Variants in FARP1 observed in about 807,000 individuals in gnomAD.
FARP1 encodes the protein FERM, ARH/RhoGEF and pleckstrin domain protein 1.
Under a neutral mutation model 128.8 loss-of-function variants are expected in FARP1, and 52 were observed. The ratio of observed to expected loss-of-function variants is 0.40; its 90% confidence interval spans 0.32 to 0.51. The LOEUF (loss-of-function observed/expected upper bound fraction) is 0.51. Ranked by LOEUF, FARP1 falls within the 20% of genes least tolerant of loss-of-function variation. FARP1 has a pLI of 0.45. For missense variants in FARP1, 1,333 were observed against 1,367.9 expected (o/e 0.97, Z 0.40); for synonymous variants, 580 against 551.8 (o/e 1.05, Z -0.72).
chr13:98,437,634 G>A, intron 19 of FARP1: 1 of 592,766 alleles, frequency 1.7e-6, no homozygotes, highest in Admixed American at 2.8e-5. Flanking sequence ...TATCAGCCAA[G>A]GCTCTGGTGA....
intron 3 of FARP1, among the ~76,000 whole-genome samples, chr13:98,361,386 T>C (rs1439340251): frequency 1.3e-5 from 2 of 152,188 alleles, no homozygotes; most frequent in Non-Finnish European, 2.9e-5. Flanking sequence ...GGTGCTTGTG[T>C]TTGATGCTTT....
chr13:98,308,027 CTCTCTCTTTTTTTTTTTT>C (rs1886252756), intron 2 of FARP1, among the ~76,000 whole-genome samples: 1 of 23,378 alleles, frequency 4.3e-5, no homozygotes. Flanking sequence ...CGCCCCCACT[CTCTCTCTTTTTTTTTTTT>C]TTTTTTTTTT....
chr13:98,163,970 A>G (rs1877065260), intron 1 of FARP1, among the ~76,000 whole-genome samples: 1 of 152,164 alleles, frequency 6.6e-6, no homozygotes, highest in South Asian at 2.1e-4. Flanking sequence ...CAGCCTCCCA[A>G]AGTGCTGGGA....
chr13:98,188,005 T>A (rs774485733), intron 1 of FARP1, among the ~76,000 whole-genome samples: 15 of 152,218 alleles, frequency 9.9e-5, no homozygotes, highest in Non-Finnish European at 2.1e-4. Flanking sequence ...TCACATTTGC[T>A]ATTTTAAGCT....
At chr13:98,443,798 C>T (rs1450674540) in intron 24 of FARP1, among the ~76,000 whole-genome samples, 25 of 10,396 alleles carry the variant, frequency 2.4e-3, no homozygotes, top group African/African-American at 3.9e-3. Context: ...AGTGGCGAGA[C>T]GGGACAGCAG....
chr13:98,426,524 G>A (rs1474611430), intron 17 of FARP1, among the ~76,000 whole-genome samples: 1 of 152,094 alleles, frequency 6.6e-6, no homozygotes, highest in Non-Finnish European at 1.5e-5. Flanking sequence ...GATGAATCTC[G>A]TGAGGGAGAG....
At chr13:98,332,107 T>C (rs1327008189) in intron 2 of FARP1, among the ~76,000 whole-genome samples, 1 of 152,162 alleles carries the variant, frequency 6.6e-6, no homozygotes, top group African/African-American at 2.4e-5. Context: ...ATTTTAACCA[T>C]TCTAAGTGTA....
chr13:98,180,287 G>A (rs1280324342), intron 1 of FARP1, among the ~76,000 whole-genome samples: 1 of 152,012 alleles, frequency 6.6e-6, no homozygotes, highest in Non-Finnish European at 1.5e-5. Context: ...TGAGAGTGGG[G>A]AGGGGCCACG....
chr13:98,311,197 T>G (rs1886443707), intron 2 of FARP1, among the ~76,000 whole-genome samples: 1 of 152,262 alleles, frequency 6.6e-6, no homozygotes, highest in South Asian at 2.1e-4. Context: ...TTTTCATGTT[T>G]ACTGCAAACC....
chr13:98,198,560 C>T (rs1376668150), intron 1 of FARP1, among the ~76,000 whole-genome samples: 1 of 152,008 alleles, frequency 6.6e-6, no homozygotes, highest in Admixed American at 6.6e-5. Context: ...AGCAAGACCC[C>T]TCCCTCTCTA....
intron 8 of FARP1, among the ~76,000 whole-genome samples, chr13:98,386,149 TTTC>T: frequency 6.6e-6 from 1 of 152,104 alleles, no homozygotes; most frequent in Non-Finnish European, 1.5e-5. Flanking sequence ...TAAACACCTT[TTTC>T]ACACTTACAG....
rs573974226 is a variant in FARP1 at position 98,451,103 on chromosome 13, C to T, written c.*2786C>T. 6.6e-6 allele frequency: 1 copy of T among 152,322 alleles called. No homozygotes were observed. Among genetic ancestry groups the T allele is most frequent in the Non-Finnish European group, 1.5e-5 (1 of 68,042 alleles). The allele number at this position is 152,322 out of a possible 1,614,324, so 9.4% of individuals were successfully genotyped here. ...CGAGCGGCTCACCCACTGTTACTAG[C>T]ATGAGACTGGCTTCAGTGCTAAAAA... On this transcript the variant is annotated 3_prime_UTR_variant, in exon 27 of 27. Coordinates refer to ENST00000319562, the MANE Select transcript of FARP1 (RefSeq NM_005766.4).
chr13:98,189,148 G>A (rs888678740), intron 1 of FARP1, among the ~76,000 whole-genome samples: 15 of 152,136 alleles, frequency 9.9e-5, no homozygotes, highest in African/African-American at 3.6e-4. Flanking sequence ...TTAACAAGGA[G>A]GAAGAGCCAG....
chr13:98,355,215 C>T (rs1360410307), intron 3 of FARP1, among the ~76,000 whole-genome samples: 1 of 151,916 alleles, frequency 6.6e-6, no homozygotes, highest in Non-Finnish European at 1.5e-5. Flanking sequence ...CATGGTGGCT[C>T]ACACCTGTAG....
intron 1 of FARP1, among the ~76,000 whole-genome samples, chr13:98,175,523 G>A (rs199715561): frequency 7.3e-5 from 11 of 150,386 alleles, no homozygotes; most frequent in Non-Finnish European, 5.9e-5. Flanking sequence ...TAGCTTTTTT[G>A]AAAAAAAAAA....
chr13:98,455,116 C>T lies in FARP1; in HGVS notation c.*6799C>T, dbSNP rs1467372761. On this transcript the variant is annotated 3_prime_UTR_variant, in exon 27 of 27. Transcript: ENST00000319562. ...CGGTCCCTCCAAAAATGTAAAATAC[C>T]TTATTGATGATTGTTGTTATTAATG... 3 of 152,178 alleles carry T rather than the reference C, an allele frequency of 2.0e-5. No homozygotes were observed. Among genetic ancestry groups the T allele is most frequent in the Admixed American group, 6.5e-5 (1 of 15,276 alleles). 9.4% of individuals were successfully genotyped at this position (152,178 alleles called of 1,614,324 possible). A position where few individuals can be genotyped will look rare whatever the true frequency, so the allele number is the denominator to read the frequency against.
At chr13:98,191,598 A>G (rs1446762145) in intron 1 of FARP1, among the ~76,000 whole-genome samples, 1 of 152,190 alleles carries the variant, frequency 6.6e-6, no homozygotes, top group African/African-American at 2.4e-5. Context: ...TTTTATTTTC[A>G]GTATTTCTTT....
At chr13:98,271,187 C>A (rs73556873) in intron 2 of FARP1, among the ~76,000 whole-genome samples, 1 of 152,134 alleles carries the variant, frequency 6.6e-6, no homozygotes, top group Admixed American at 6.5e-5. Context: ...TTAGACACTA[C>A]GCTAGTTGTT....
chr13:98,420,208 G>A (rs1891542588), intron 16 of FARP1, among the ~76,000 whole-genome samples: 1 of 152,166 alleles, frequency 6.6e-6, no homozygotes, highest in Admixed American at 6.5e-5. Context: ...GGAGGGCAAA[G>A]TATTGATTTA....
Sources: gnomAD v4.1 joint callset for allele counts (sites outside exome capture counted in the v4.1 genomes callset) on GRCh38, gnomAD v4.1.1 for gene constraint, MANE v1.5 for transcripts, NCBI Gene and HGNC (gene_info 2026-07-23, HGNC 2026-07-21) for gene names.